Variants in IQCM observed in about 807,000 individuals in gnomAD.
IQCM encodes the protein IQ motif containing M.
A neutral mutation model predicts 57.6 loss-of-function variants in IQCM; 45 were observed. The observed-to-expected ratio is 0.78, with a 90% CI of 0.62 to 1.00. The LOEUF is 1.00. IQCM is among the 50% of genes least tolerant of loss of function. IQCM has a pLI of 0.00. For synonymous variants in IQCM, 148 were observed against 158.9 expected (o/e 0.93, Z 0.51); for missense variants, 468 against 511.6 (o/e 0.91, Z 0.82).
At chr4:149,703,296 A>G (rs1026529635) in intron 5 of IQCM, among the ~76,000 whole-genome samples, 6 of 151,994 alleles carry the variant, frequency 3.9e-5, no homozygotes, top group African/African-American at 1.4e-4. Context: ...AAACTATATC[A>G]AATGGGTTTA....
At chr4:149,751,989 C>A (rs1357916958) in intron 2 of IQCM, among the ~76,000 whole-genome samples, 1 of 152,022 alleles carries the variant, frequency 6.6e-6, no homozygotes, top group Non-Finnish European at 1.5e-5. Context: ...ACTCTTGAGT[C>A]TATAAATATG....
At chr4:149,535,854 C>T (rs560832213) in intron 12 of IQCM, among the ~76,000 whole-genome samples, 1 of 152,114 alleles carries the variant, frequency 6.6e-6, no homozygotes, top group African/African-American at 2.4e-5. Flanking sequence ...AAGAAAAAGC[C>T]TTTCACTAGC....
chr4:149,463,117 C>T (rs2149713259), intron 12 of IQCM, among the ~76,000 whole-genome samples: 1 of 152,266 alleles, frequency 6.6e-6, no homozygotes, highest in African/African-American at 2.4e-5. Flanking sequence ...AAGACATTCG[C>T]ATTATATAAG....
chr4:149,806,007 T>C (rs1048812518), intron 2 of IQCM, among the ~76,000 whole-genome samples: 1 of 151,902 alleles, frequency 6.6e-6, no homozygotes, highest in African/African-American at 2.4e-5. Context: ...AGAAATATAA[T>C]TGGAGTTGGT....
intron 12 of IQCM, among the ~76,000 whole-genome samples, chr4:149,452,475 T>C (rs2111413460): frequency 1.3e-5 from 2 of 151,592 alleles, no homozygotes; most frequent in Middle Eastern, 3.4e-3. Flanking sequence ...ATGATATTCA[T>C]GTAAAGATAA....
chr4:149,460,785 A>T (rs1391383000), intron 12 of IQCM, among the ~76,000 whole-genome samples: 2 of 152,226 alleles, frequency 1.3e-5, no homozygotes, highest in African/African-American at 4.8e-5. Flanking sequence ...TGTAGAACAA[A>T]AGGTACTGAC....
At chr4:149,356,743 C>T (rs1201043560) in intron 13 of IQCM, among the ~76,000 whole-genome samples, 3 of 152,026 alleles carry the variant, frequency 2.0e-5, no homozygotes, top group Non-Finnish European at 1.5e-5. Context: ...TTTTTGGTTC[C>T]ATATGAACTT....
At chr4:149,684,032 A>G (rs899934711) in intron 6 of IQCM, among the ~76,000 whole-genome samples, 1 of 151,502 alleles carries the variant, frequency 6.6e-6, no homozygotes, top group Non-Finnish European at 1.5e-5. Flanking sequence ...TGCAGTTGTC[A>G]TAACTTCAAA....
intron 3 of IQCM, among the ~76,000 whole-genome samples, chr4:149,738,154 C>CG (rs1373254501): frequency 2.0e-5 from 3 of 152,118 alleles, no homozygotes; most frequent in Admixed American, 2.0e-4. Context: ...AGCAGTGCTG[C>CG]GGCTCTGCAC....
intron 10 of IQCM, among the ~76,000 whole-genome samples, chr4:149,554,346 CT>C (rs896560806): frequency 4.9e-4 from 72 of 148,252 alleles, no homozygotes; most frequent in Middle Eastern, 3.5e-3. Context: ...TGTTTTCATC[CT>C]TTTTTTTTTT....
intron 12 of IQCM, among the ~76,000 whole-genome samples, chr4:149,438,176 G>C (rs1735551204): frequency 6.6e-6 from 1 of 151,570 alleles, no homozygotes; most frequent in African/African-American, 2.4e-5. Flanking sequence ...TCTTTACCCT[G>C]TACTGGTACT....
chr4:149,770,973 G>A (rs1397267835), intron 2 of IQCM, among the ~76,000 whole-genome samples: 1 of 151,980 alleles, frequency 6.6e-6, no homozygotes, highest in Non-Finnish European at 1.5e-5. Context: ...CATCTGGACT[G>A]GCAAGGAAGG....
intron 7 of IQCM, among the ~76,000 whole-genome samples, chr4:149,625,979 T>C: frequency 6.6e-6 from 1 of 152,234 alleles, no homozygotes; most frequent in Non-Finnish European, 1.5e-5. Flanking sequence ...TCATACTATG[T>C]TCTGTTTAAT....
chr4:149,664,140 G>A (rs912590090), intron 7 of IQCM, among the ~76,000 whole-genome samples: 1 of 152,050 alleles, frequency 6.6e-6, no homozygotes, highest in Non-Finnish European at 1.5e-5. Context: ...AGATTTCTGT[G>A]TGGTTCTTTT....
intron 12 of IQCM, among the ~76,000 whole-genome samples, chr4:149,502,540 G>T (rs1199831263): frequency 6.6e-6 from 1 of 152,040 alleles, no homozygotes; most frequent in East Asian, 1.9e-4. Flanking sequence ...CAGATATGGT[G>T]CATGCACCTG....
intron 11 of IQCM, among the ~76,000 whole-genome samples, chr4:149,549,331 C>T (rs1214964694): frequency 4.0e-5 from 6 of 151,738 alleles, no homozygotes; most frequent in African/African-American, 7.3e-5. Context: ...CCGGCTAAAA[C>T]GGTGAAACCC....
At chr4:149,651,218 G>C (rs1321165601) in intron 7 of IQCM, among the ~76,000 whole-genome samples, 1 of 152,082 alleles carries the variant, frequency 6.6e-6, no homozygotes, top group Admixed American at 6.6e-5. Flanking sequence ...AAATCCATTT[G>C]AGAAAAAGGG....
intron 2 of IQCM, among the ~76,000 whole-genome samples, chr4:149,760,514 T>A (rs2149961174): frequency 6.6e-6 from 1 of 152,242 alleles, no homozygotes; most frequent in East Asian, 1.9e-4. Flanking sequence ...ACAGCCAATC[T>A]TCCTCCAGAG....
At chr4:149,421,865 C>T (rs1734144634) in intron 13 of IQCM, among the ~76,000 whole-genome samples, 1 of 152,066 alleles carries the variant, frequency 6.6e-6, no homozygotes, top group East Asian at 1.9e-4. Flanking sequence ...TGCAGGTATG[C>T]TTATTTAACA....
Sources: allele counts gnomAD v4.1 joint callset (sites outside exome capture counted in the v4.1 genomes callset), GRCh38; gene constraint gnomAD v4.1.1; transcripts MANE v1.5; gene names NCBI Gene and HGNC (gene_info 2026-07-23, HGNC 2026-07-21).